Variants in DNER observed in about 807,000 individuals in gnomAD.
DNER encodes the protein delta and Notch-like epidermal growth factor-related receptor.
Under a neutral mutation model 78.2 loss-of-function variants are expected in DNER, and 33 were observed. The ratio of observed to expected loss-of-function variants is 0.42; its 90% confidence interval spans 0.32 to 0.56. The LOEUF is 0.56. DNER is among the 20% of genes least tolerant of loss of function. DNER has a pLI of 0.11. For synonymous variants in DNER, 417 were observed against 384.8 expected, an observed-to-expected ratio of 1.08 and a Z score of -0.98; for missense variants, 918 against 975.3, an observed-to-expected ratio of 0.94 and a Z score of 0.78.
In DNER at chr2:229,373,481, G is replaced by A. The variant is rs144191088; in HGVS notation, c.1856-6362C>T. Reference sequence around the variant, plus strand: ...CAAGGCTGAGGGAAAAAGGGAACACGGTGTTGGTGGAAATGTAAATTAGTT... The same window carrying A: ...CAAGGCTGAGGGAAAAAGGGAACACAGTGTTGGTGGAAATGTAAATTAGTT... On this transcript the variant is annotated intron_variant, in intron 11 of 12. Coordinates refer to ENST00000341772, the MANE Select transcript of DNER (RefSeq NM_139072.4). 3.6e-3 allele frequency among the ~76,000 whole-genome samples: 546 copies of A among 152,228 alleles called. 4 individuals carry two copies. Among genetic ancestry groups the A allele is most frequent in the African/African-American group, 0.013 (526 of 41,552 alleles).
chr2:229,422,687 T>C (rs1419792714), intron 8 of DNER, among the ~76,000 whole-genome samples: 1 of 152,056 alleles, frequency 6.6e-6, no homozygotes, highest in Non-Finnish European at 1.5e-5. Flanking sequence ...GTTGGAAGTA[T>C]GCGTGTAAAT....
At chr2:229,557,185 G>T (rs1696868890) in intron 4 of DNER, among the ~76,000 whole-genome samples, 1 of 152,204 alleles carries the variant, frequency 6.6e-6, no homozygotes, top group Admixed American at 6.5e-5. Context: ...TTATAAAAGA[G>T]TGATCATTTG....
intron 8 of DNER, among the ~76,000 whole-genome samples, chr2:229,432,793 T>C (rs1694036583): frequency 6.6e-6 from 1 of 152,192 alleles, no homozygotes; most frequent in Admixed American, 6.5e-5. Context: ...AGCACTCAAG[T>C]TTGAGAGCCA....
rs370481774 is a variant in DNER at position 229,461,042 on chromosome 2, G to A, written c.1262-13502C>T. Among the ~76,000 whole-genome samples the A allele has an allele frequency of 5.3e-4, 80 of 152,094 alleles. 3 individuals are homozygous for A. Among genetic ancestry groups the A allele is most frequent in the South Asian group, 2.5e-3 (12 of 4,818 alleles). Reference sequence around the variant, plus strand: ...CAGAGTGTAGGGCAGTAGGATGAGTGCTAGTAAAAAGACATTTTACAACAC... The same window carrying A: ...CAGAGTGTAGGGCAGTAGGATGAGTACTAGTAAAAAGACATTTTACAACAC... On this transcript the variant is annotated intron_variant, in intron 7 of 12. Coordinates refer to ENST00000341772, the MANE Select transcript of DNER (RefSeq NM_139072.4).
intron 11 of DNER, among the ~76,000 whole-genome samples, chr2:229,385,143 T>G (rs1692835670): frequency 6.7e-6 from 1 of 149,960 alleles, no homozygotes; most frequent in Non-Finnish European, 1.5e-5. Flanking sequence ...TCAAGTTGGC[T>G]TCATCCCTAG....
At chr2:229,501,824 A>C (rs564154675) in intron 6 of DNER, among the ~76,000 whole-genome samples, 1 of 152,354 alleles carries the variant, frequency 6.6e-6, no homozygotes, top group East Asian at 1.9e-4. Context: ...ATAAATAGTT[A>C]ACCCACAAAG....
chr2:229,459,934 G>T (rs373052038), intron 7 of DNER, among the ~76,000 whole-genome samples: 2 of 151,684 alleles, frequency 1.3e-5, no homozygotes, highest in South Asian at 4.2e-4. Context: ...GAAGCGGGTG[G>T]ATCACAAGGT....
intron 5 of DNER, among the ~76,000 whole-genome samples, chr2:229,530,056 A>G (rs1696275137): frequency 6.6e-6 from 1 of 152,116 alleles, no homozygotes; most frequent in Admixed American, 6.6e-5. Context: ...AACACACTAA[A>G]GGAGTTTAAA....
At chr2:229,517,156 A>G (rs1695996701) in intron 5 of DNER, among the ~76,000 whole-genome samples, 4 of 151,812 alleles carry the variant, frequency 2.6e-5, no homozygotes, top group South Asian at 4.2e-4. Flanking sequence ...GGAAACTTCT[A>G]GGTTAGAAAA....
intron 11 of DNER, among the ~76,000 whole-genome samples, chr2:229,372,705 AG>A (rs1669444577): frequency 6.6e-6 from 1 of 152,190 alleles, no homozygotes; most frequent in Non-Finnish European, 1.5e-5. Context: ...GCATGAAGAA[AG>A]GGTTTGAGGA....
At chr2:229,387,410 G>A (rs547424144) in intron 11 of DNER, among the ~76,000 whole-genome samples, 1 of 151,580 alleles carries the variant, frequency 6.6e-6, no homozygotes, top group Non-Finnish European at 1.5e-5. Flanking sequence ...AACCACCATG[G>A]CATGTGTATA....
chr2:229,518,755 A>C (rs2216531), intron 5 of DNER, among the ~76,000 whole-genome samples: 114,971 of 152,060 alleles, frequency 0.76, 43,894 homozygotes, highest in South Asian at 0.85. Context: ...TTGAAGAGCC[A>C]TATAAGAAAT....
At chr2:229,564,391 T>C (rs1574905525) in intron 4 of DNER, among the ~76,000 whole-genome samples, 1 of 112,732 alleles carries the variant, frequency 8.9e-6, no homozygotes, top group African/African-American at 3.4e-5. Context: ...CATCACCCCA[T>C]CACCATCATC....
intron 1 of DNER, among the ~76,000 whole-genome samples, chr2:229,650,448 G>A (rs1475324269): frequency 1.3e-5 from 2 of 152,132 alleles, no homozygotes; most frequent in Non-Finnish European, 2.9e-5. Flanking sequence ...CCGTAATTTG[G>A]CAAACTTGCC....
At chr2:229,373,687 GTGCC>G (rs1467083534) in intron 11 of DNER, among the ~76,000 whole-genome samples, 1 of 152,064 alleles carries the variant, frequency 6.6e-6, no homozygotes, top group East Asian at 1.9e-4. Context: ...ATCAACCAAG[GTGCC>G]TGCCCATCAA....
At chr2:229,616,362 A>ATT (rs58644265) in intron 1 of DNER, among the ~76,000 whole-genome samples, 46 of 150,302 alleles carry the variant, frequency 3.1e-4, no homozygotes, top group African/African-American at 9.0e-4. Flanking sequence ...CTTATTACTG[A>ATT]TTTTTTTTTT....
chr2:229,378,919 C>T (rs1692670325), intron 11 of DNER, among the ~76,000 whole-genome samples: 2 of 152,186 alleles, frequency 1.3e-5, no homozygotes, highest in African/African-American at 4.8e-5. Flanking sequence ...CCGCAAACCT[C>T]ATACACACGG....
In DNER at chr2:229,714,501, G is replaced by C; in HGVS notation, c.-78C>G. ...CGGTGGCAGTGGCGACGAGAGCTGC[G>C]AGAGCGACGGTGGCGGCTAGGGCTG... is the stretch of plus-strand genomic sequence containing the variant. On this transcript the variant is annotated 5_prime_UTR_variant, in exon 1 of 13. Transcript: ENST00000341772. 9.3e-7 allele frequency: 1 copy of C among 1,072,830 alleles called. No homozygotes were observed. The highest frequency in any genetic ancestry group is 1.1e-6 in the Non-Finnish European group (1 of 888,616). 66.5% of individuals were successfully genotyped at this position (1,072,830 alleles called of 1,614,324 possible). A position where few individuals can be genotyped will look rare whatever the true frequency, so the allele number is the denominator to read the frequency against.
At position 229,714,151 on chromosome 2, in the gene DNER, G is replaced by A. The variant is rs1214327191; in HGVS notation, c.273C>T (p.Cys91=). Reference sequence around the variant, plus strand: ...CGCGCCCGCCGCTTCCACTCACCTGGCAGTTGGCGCCGGAGATCCCGGCGG... The same window carrying A: ...CGCGCCCGCCGCTTCCACTCACCTGACAGTTGGCGCCGGAGATCCCGGCGG... ...TCPAGISGAN[C]QLVADPCASN... is the part of the protein sequence containing the mutation. Residue 91 remains cysteine (C), a synonymous_variant, in exon 1 of 13, where the codon TGC becomes TGT. Coordinates refer to ENST00000341772, the MANE Select transcript of DNER (RefSeq NM_139072.4). The A allele has an allele frequency of 7.6e-7, 1 of 1,317,110 alleles. No homozygotes were observed. The highest frequency in any genetic ancestry group is 9.7e-7 in the Non-Finnish European group (1 of 1,035,624). 81.6% of individuals were successfully genotyped at this position (1,317,110 alleles called of 1,614,324 possible). A position where few individuals can be genotyped will look rare whatever the true frequency, so the allele number is the denominator to read the frequency against.
Sources: allele counts gnomAD v4.1 joint callset (sites outside exome capture counted in the v4.1 genomes callset), GRCh38; gene constraint gnomAD v4.1.1; transcripts MANE v1.5; gene names NCBI Gene and HGNC (gene_info 2026-07-23, HGNC 2026-07-21).